The following PAPPA variants were observed in gnomAD, a reference collection of about 807,000 sequenced individuals.
PAPPA encodes pappalysin 1.
Under a neutral mutation model 164.0 loss-of-function variants are expected in PAPPA, and 60 were observed. The observed-to-expected ratio is 0.37, with a 90% confidence interval of 0.30 to 0.45. The LOEUF is 0.45. Among genes scored for constraint, PAPPA ranks in the 20% least tolerant of loss-of-function variants. The pLI is 1.00. For synonymous variants in PAPPA, 875 were observed against 814.1 expected (o/e 1.07, Z -1.27); for missense variants, 1,782 against 2,087.3 (o/e 0.85, Z 2.85).
At chr9:116,166,807 T>A (rs564524426) in intron 1 of PAPPA, among the ~76,000 whole-genome samples, 3 of 152,284 alleles carry the variant, frequency 2.0e-5, no homozygotes, top group East Asian at 3.9e-4. Flanking sequence ...TCTCTCTTCA[T>A]CCTCAAGGCC....
In PAPPA at chr9:116,312,781, C is replaced by T. The variant is rs539390090; in HGVS notation, c.3147+9831C>T. ...TGAGACCAGAAAGGGCCTTCTGCCT[C>T]CTCTTAAGAAACTCCAACCAGGCCA... On this transcript the variant is annotated intron_variant, in intron 10 of 21. Transcript: ENST00000328252. 3.3e-5 allele frequency among the ~76,000 whole-genome samples: 5 copies of T among 152,268 alleles called. No individual in the cohort carries two copies. In the South Asian group the frequency reaches 1.0e-3, roughly 32 times the overall value.
chr9:116,279,994 G>A (rs1020462131), intron 9 of PAPPA, among the ~76,000 whole-genome samples: 6 of 152,174 alleles, frequency 3.9e-5, no homozygotes, highest in African/African-American at 1.4e-4. Flanking sequence ...GGACAGAAAA[G>A]TAATGTGCCT....
At chr9:116,283,944 A>G (rs1168740333) in intron 9 of PAPPA, among the ~76,000 whole-genome samples, 2 of 152,222 alleles carry the variant, frequency 1.3e-5, no homozygotes, top group African/African-American at 4.8e-5. Flanking sequence ...CTCAGGGTTC[A>G]TCCCCCAAAT....
Position 116,154,640 on chromosome 9 carries a change from TCGCGGGTGTCTGGG to T in PAPPA, c.415+62_415+75del, listed in dbSNP as rs1218845496. 7.8e-7 allele frequency: 1 copy of T among 1,274,618 alleles called. No individual in the cohort carries two copies. The highest frequency in any genetic ancestry group is 4.2e-5 in the Admixed American group (1 of 23,886). 79.0% of individuals were successfully genotyped at this position (1,274,618 alleles called of 1,614,324 possible). A position where few individuals can be genotyped will look rare whatever the true frequency, so the allele number is the denominator to read the frequency against. On this transcript the variant is annotated intron_variant, in intron 1 of 21. Coordinates refer to ENST00000328252, the MANE Select transcript of PAPPA (RefSeq NM_002581.5). This position sits in a 1 kb window ranked among gnomAD's most constrained non-coding sequence, Gnocchi z 5.2. ...GCACCGTCCCTGCGGCCCCAGAGGCTCGCGGGTGTCTGGGCGCGGGTGGCGGGCGGGTCGGGGGC... is the reference window on the plus strand; with the variant it reads ...GCACCGTCCCTGCGGCCCCAGAGGCTCGCGGGTGGCGGGCGGGTCGGGGGC...
chr9:116,278,887 C>A (rs1447816226), intron 9 of PAPPA, among the ~76,000 whole-genome samples: 3 of 152,178 alleles, frequency 2.0e-5, no homozygotes, highest in African/African-American at 7.2e-5. Context: ...GTGTTTAGCA[C>A]AATGCACAGC....
rs1022741146 is a variant in PAPPA at position 116,339,493 on chromosome 9, C to T, written c.3611+4419C>T. Among the ~76,000 whole-genome samples, 7 of 152,250 alleles carry T rather than the reference C, an allele frequency of 4.6e-5. No individual in the cohort carries two copies. The East Asian group carries it at 1.2e-3, about 25-fold the overall frequency. On this transcript the variant is annotated intron_variant, in intron 13 of 21. Coordinates refer to ENST00000328252, the MANE Select transcript of PAPPA (RefSeq NM_002581.5). The stretch of plus-strand genomic sequence containing the variant: ...GGGTAAAGAACCTTTTAGGATCATT[C>T]CCCCAGGTGCCTCATTTCTGGGTAG...
intron 2 of PAPPA, among the ~76,000 whole-genome samples, chr9:116,196,225 G>T (rs543073205): frequency 6.6e-6 from 1 of 152,318 alleles, no homozygotes; most frequent in South Asian, 2.1e-4. Context: ...AGGATCTGAG[G>T]TCCTCCTTCT....
intron 9 of PAPPA, among the ~76,000 whole-genome samples, chr9:116,289,368 G>GGCATATATATGTCATATATATA (rs1564212451): frequency 2.0e-5 from 2 of 99,802 alleles, no homozygotes; most frequent in Non-Finnish European, 2.1e-5. Context: ...GCATATATAT[G>GGCATATATATGTCATATATATA]GCATATATAT....
chr9:116,384,931 T>TTAGGTAC (rs1393639975), intron 21 of PAPPA, among the ~76,000 whole-genome samples: 1 of 152,190 alleles, frequency 6.6e-6, no homozygotes, highest in African/African-American at 2.4e-5. Context: ...CTATTGTAAC[T>TTAGGTAC]TAGGTACTAA....
In PAPPA at chr9:116,185,848, TTG is replaced by T. The variant is rs541283971; in HGVS notation, c.416-1303_416-1302del. ...ACTTCCTCAAATATTGAACTCAAAT[TTG>T]TGACATGCCCCAGGTAGGTGGCATA... is the stretch of plus-strand genomic sequence containing the variant. On this transcript the variant is annotated intron_variant, in intron 1 of 21. Coordinates refer to ENST00000328252, the MANE Select transcript of PAPPA (RefSeq NM_002581.5). Among the ~76,000 whole-genome samples the T allele has an allele frequency of 4.4e-3, 668 of 152,260 alleles. 4 individuals carry two copies. The highest frequency in any genetic ancestry group is 0.015 in the African/African-American group (627 of 41,538).
In PAPPA at chr9:116,153,913, GA is replaced by G. The variant is rs1021426723; in HGVS notation, c.-255del. On this transcript the variant is annotated 5_prime_UTR_variant, in exon 1 of 22. Coordinates refer to ENST00000328252, the MANE Select transcript of PAPPA (RefSeq NM_002581.5). ...GGAGGAAGGCAACCAGCTGTTAGGG[GA>G]AAAATAAGGCAGATAAAGGAGCGGG... 14 of 235,170 alleles carry G rather than the reference GA, an allele frequency of 6.0e-5. No individual in the cohort carries two copies. Among genetic ancestry groups the G allele is most frequent in the South Asian group, 1.4e-4 (1 of 7,198 alleles). The allele number at this position is 235,170 out of a possible 1,614,324, so 14.6% of individuals were successfully genotyped here. A position where few individuals can be genotyped will look rare whatever the true frequency, so the allele number is the denominator to read the frequency against.
intron 9 of PAPPA, among the ~76,000 whole-genome samples, chr9:116,279,972 C>T (rs1376257050): frequency 6.6e-6 from 1 of 152,140 alleles, no homozygotes; most frequent in Admixed American, 6.5e-5. Flanking sequence ...ATTGTAGCCT[C>T]CTTTTCTTTT....
chr9:116,348,165 G>A (rs1846235811), intron 15 of PAPPA, among the ~76,000 whole-genome samples: 1 of 151,698 alleles, frequency 6.6e-6, no homozygotes. Flanking sequence ...GACCATACAG[G>A]GAAATATCTC....
At chr9:116,333,665 A>G (rs1846022141) in intron 12 of PAPPA, among the ~76,000 whole-genome samples, 1 of 152,226 alleles carries the variant, frequency 6.6e-6, no homozygotes, top group Non-Finnish European at 1.5e-5. Flanking sequence ...AATAAGGAAG[A>G]GAAAGAAAAC....
At chr9:116,225,906 G>A (rs399298) in intron 5 of PAPPA, among the ~76,000 whole-genome samples, 70,115 of 151,622 alleles carry the variant, frequency 0.46, 16,828 homozygotes, top group East Asian at 0.73. Flanking sequence ...AACATTATAA[G>A]ATAAGTTGTG....
intron 9 of PAPPA, among the ~76,000 whole-genome samples, chr9:116,272,195 G>T (rs528539597): frequency 2.6e-5 from 4 of 152,262 alleles, no homozygotes; most frequent in Admixed American, 6.5e-5. Context: ...TTTTGAGCTG[G>T]TCCAGATGAG....
chr9:116,187,520 T>A lies in PAPPA; in HGVS notation c.782T>A (p.Val261Glu), dbSNP rs1241119878. 8 of 1,614,124 alleles carry A rather than the reference T, an allele frequency of 5.0e-6. No individual in the cohort carries two copies. The highest frequency in any genetic ancestry group is 6.8e-6 in the Non-Finnish European group (8 of 1,180,002). ...GYIEHFSLWK[V>E]ARTQREILSD... ...ATCGAGCACTTCAGTCTGTGGAAGG[T>A]GGCCAGGACTCAGCGGGAGATACTG... The change falls in exon 2 of 22, where the codon GTG becomes GAG. Residue 261 changes from valine (V) to glutamate (E), a missense_variant. This residue lies in a region of PAPPA where 458 missense variants were observed against 430.3 expected (regional missense o/e 1.06). Coordinates refer to ENST00000328252, the MANE Select transcript of PAPPA (RefSeq NM_002581.5). This position sits in a 1 kb window ranked among gnomAD's most constrained non-coding sequence, Gnocchi z 4.2.
At chr9:116,158,290 G>A (rs1311785476) in intron 1 of PAPPA, among the ~76,000 whole-genome samples, 1 of 152,106 alleles carries the variant, frequency 6.6e-6, no homozygotes, top group Admixed American at 6.5e-5. Flanking sequence ...CTCCACTTCA[G>A]CATTGCTGTA....
At position 116,355,572 on chromosome 9, in the gene PAPPA, C is replaced by T. The variant is rs72756246; in HGVS notation, c.4347+1779C>T. Among the ~76,000 whole-genome samples, 205 of 152,336 alleles carry T rather than the reference C, an allele frequency of 1.3e-3. 1 individual carries two copies. The highest frequency in any genetic ancestry group is 2.4e-3 in the Non-Finnish European group (166 of 68,032). On this transcript the variant is annotated intron_variant, in intron 17 of 21. Transcript: ENST00000328252. ...AACAAAGGCTAGAGATTACCACGGCCTCTTGCAGGCTGATCAGCTTCCCCC... is the reference window on the plus strand; with the variant it reads ...AACAAAGGCTAGAGATTACCACGGCTTCTTGCAGGCTGATCAGCTTCCCCC...
Sources: allele counts gnomAD v4.1 joint callset (sites outside exome capture counted in the v4.1 genomes callset), GRCh38; gene constraint gnomAD v4.1.1; regional missense constraint gnomAD v4.1.1; non-coding constraint Gnocchi (gnomAD v3.1); transcripts MANE v1.5; gene names NCBI Gene and HGNC (gene_info 2026-07-23, HGNC 2026-07-21).